The following MCC variants were observed in gnomAD, a reference collection of about 807,000 sequenced individuals.
MCC encodes the protein MCC regulator of Wnt signaling pathway, also known as colorectal mutant cancer protein.
Under a neutral mutation model 116.2 loss-of-function variants are expected in MCC, and 90 were observed. That is an observed-to-expected ratio of 0.77 (90% CI 0.65 to 0.92). MCC has a LOEUF of 0.92. Among genes scored for constraint, MCC ranks in the 40% least tolerant of loss-of-function variants. The probability of loss-of-function intolerance (pLI) is 0.00; values close to 1 mark genes in which losing one functional copy is unlikely to be tolerated. For missense variants in MCC, 1,516 were observed against 1,312.2 expected (o/e 1.16, Z -2.40); for synonymous variants, 578 against 510.5 (o/e 1.13, Z -1.78).
At chr5:113,399,060 A>G (rs1769606975) in intron 1 of MCC, among the ~76,000 whole-genome samples, 1 of 152,228 alleles carries the variant, frequency 6.6e-6, no homozygotes, top group Non-Finnish European at 1.5e-5. Context: ...CAGGAGCCAC[A>G]CTGGACAGCA....
At chr5:113,179,548 C>G (rs765752713) in intron 3 of MCC, among the ~76,000 whole-genome samples, 1 of 152,164 alleles carries the variant, frequency 6.6e-6, no homozygotes, top group Non-Finnish European at 1.5e-5. Context: ...CCTTTAAAAA[C>G]AGCAGATAGT....
intron 1 of MCC, among the ~76,000 whole-genome samples, chr5:113,467,422 C>T (rs1394205304): frequency 6.6e-6 from 1 of 152,148 alleles, no homozygotes; most frequent in African/African-American, 2.4e-5. Flanking sequence ...GTTTTCCCAG[C>T]ACCATTTATT....
At chr5:113,409,238 G>C (rs1406208196) in intron 1 of MCC, among the ~76,000 whole-genome samples, 1 of 152,140 alleles carries the variant, frequency 6.6e-6, no homozygotes, top group Non-Finnish European at 1.5e-5. Flanking sequence ...TTCGGGAAAT[G>C]TACTCTGATT....
chr5:113,070,019 T>A (rs890028398), intron 12 of MCC, among the ~76,000 whole-genome samples: 1 of 152,188 alleles, frequency 6.6e-6, no homozygotes, highest in African/African-American at 2.4e-5. Context: ...TCCTTATCCA[T>A]GAGGTTGTAC....
chr5:113,248,829 C>T (rs1764669419), intron 3 of MCC, among the ~76,000 whole-genome samples: 1 of 131,040 alleles, frequency 7.6e-6, no homozygotes, highest in African/African-American at 2.9e-5. Context: ...TTCTCTCTCT[C>T]TTCTTTTTTT....
intron 1 of MCC, among the ~76,000 whole-genome samples, chr5:113,402,519 A>G (rs1769721660): frequency 6.6e-6 from 1 of 152,262 alleles, no homozygotes; most frequent in East Asian, 1.9e-4. Context: ...TGACCACAAT[A>G]AAGTTCTCCT....
chr5:113,198,468 G>T (rs1409853535), intron 3 of MCC, among the ~76,000 whole-genome samples: 1 of 151,820 alleles, frequency 6.6e-6, no homozygotes, highest in Non-Finnish European at 1.5e-5. Context: ...GTTGAGGCAG[G>T]AGAATGGCTG....
At chr5:113,119,880 C>T (rs981003076) in intron 6 of MCC, among the ~76,000 whole-genome samples, 1 of 152,062 alleles carries the variant, frequency 6.6e-6, no homozygotes, top group Non-Finnish European at 1.5e-5. Context: ...ATGAGGATGC[C>T]CCATGGCGCA....
In MCC at chr5:113,183,704, T is replaced by C. The variant is rs1461156052; in HGVS notation, c.628-32282A>G. On this transcript the variant is annotated intron_variant, in intron 3 of 18. Transcript: ENST00000408903. Reference sequence around the variant, plus strand: ...GAAGTGTGCAGACCCAAACAGCCCATCTCAAGAGCACCAGGGGCAAATGGG... The same window carrying C: ...GAAGTGTGCAGACCCAAACAGCCCACCTCAAGAGCACCAGGGGCAAATGGG... 3.9e-5 allele frequency among the ~76,000 whole-genome samples: 6 copies of C among 152,162 alleles called. 1 individual carries two copies. The East Asian group carries it at 1.2e-3, about 29-fold the overall frequency.
chr5:113,362,508 ACTTT>A (rs769776391), intron 2 of MCC, among the ~76,000 whole-genome samples: 21 of 152,206 alleles, frequency 1.4e-4, no homozygotes, highest in East Asian at 9.6e-4. Context: ...GCAGATCCTT[ACTTT>A]CTTTCTTTCT....
At chr5:113,486,438 A>AT (rs1313136441) in intron 1 of MCC, among the ~76,000 whole-genome samples, 1 of 152,234 alleles carries the variant, frequency 6.6e-6, no homozygotes, top group Non-Finnish European at 1.5e-5. Flanking sequence ...TAATGTGAGC[A>AT]TTTATATAGA....
chr5:113,409,123 C>T (rs545810888), intron 1 of MCC, among the ~76,000 whole-genome samples: 3 of 152,242 alleles, frequency 2.0e-5, no homozygotes, highest in African/African-American at 4.8e-5. Flanking sequence ...ACACAGAGAT[C>T]GAGATTCCCA....
At chr5:113,356,063 A>T (rs201344089) in intron 2 of MCC, among the ~76,000 whole-genome samples, 10 of 140,148 alleles carry the variant, frequency 7.1e-5, no homozygotes, top group Middle Eastern at 7.3e-3. Flanking sequence ...GGCAAGGTGT[A>T]TTTTTTTTTT....
At chr5:113,131,804 A>G (rs1758445988) in intron 5 of MCC, among the ~76,000 whole-genome samples, 2 of 152,176 alleles carry the variant, frequency 1.3e-5, no homozygotes, top group African/African-American at 4.8e-5. Flanking sequence ...CCCAGCTGGT[A>G]AGAGAATCTG....
At position 113,239,620 on chromosome 5, in the gene MCC, G is replaced by T. The variant is rs562962035; in HGVS notation, c.628-88198C>A. Among the ~76,000 whole-genome samples the T allele has an allele frequency of 1.6e-4, 24 of 152,290 alleles. No homozygotes were observed. The South Asian group carries it at 5.0e-3, about 32-fold the overall frequency. ...AGGAACTCCGTAGTAATGTCCAGAT[G>T]GGGAAGAGGACTCGAGTTCTGAGAC... On this transcript the variant is annotated intron_variant, in intron 3 of 18. Transcript: ENST00000408903.
intron 1 of MCC, among the ~76,000 whole-genome samples, chr5:113,485,560 ATCT>A (rs370340546): frequency 1.6e-3 from 242 of 151,036 alleles, no homozygotes; most frequent in African/African-American, 5.7e-3. Context: ...TTCCTTTTAC[ATCT>A]TCTTCCCTAG....
At position 113,340,645 on chromosome 5, in the gene MCC, G is replaced by A; in HGVS notation, c.501C>T (p.Ala167=). The change falls in exon 3 of 19, where the codon GCC becomes GCT. Residue 167 remains alanine (A), a synonymous_variant. Transcript: ENST00000408903. The stretch of plus-strand genomic sequence containing the variant: ...CGCCATACTCGAGCAGCTTCTGGAG[G>A]GCTGACTGGCTCTGCACATCCGGGC... ...LQSPDVQSQS[A]LQKLLEYGGS... is the part of the protein sequence containing the mutation. 4 of 1,614,154 alleles carry A rather than the reference G, an allele frequency of 2.5e-6. No homozygotes were observed. The highest frequency in any genetic ancestry group is 2.5e-6 in the Non-Finnish European group (3 of 1,180,016).
chr5:113,164,708 G>A (rs1265626246), intron 3 of MCC, among the ~76,000 whole-genome samples: 2 of 152,202 alleles, frequency 1.3e-5, no homozygotes, highest in African/African-American at 4.8e-5. Flanking sequence ...AAGCTGACCT[G>A]TCACATTTAC....
At chr5:113,373,095 C>T (rs1445161891) in intron 2 of MCC, among the ~76,000 whole-genome samples, 2 of 151,748 alleles carry the variant, frequency 1.3e-5, no homozygotes, top group Non-Finnish European at 1.5e-5. Context: ...AGGAGAATGG[C>T]GTGAACCCGA....
Sources: allele counts gnomAD v4.1 joint callset (sites outside exome capture counted in the v4.1 genomes callset), GRCh38; gene constraint gnomAD v4.1.1; transcripts MANE v1.5; gene names NCBI Gene and HGNC (gene_info 2026-07-23, HGNC 2026-07-21).